ELP3: variants seen among roughly 807,000 people sequenced by gnomAD.
ELP3 encodes elongator acetyltransferase complex subunit 3, also known as elongator complex protein 3.
A neutral mutation model predicts 74.9 loss-of-function variants in ELP3; 56 were observed. The observed-to-expected ratio is 0.75, with a 90% CI of 0.60 to 0.93. The LOEUF is 0.93. Among genes scored for constraint, ELP3 ranks in the 40% least tolerant of loss-of-function variants. ELP3 has a pLI of 0.00. For missense variants in ELP3, 573 were observed against 686.5 expected (o/e 0.83, Z 1.85); for synonymous variants, 222 against 239.8 (o/e 0.93, Z 0.68).
In ELP3 at chr8:28,129,496, C is replaced by T; in HGVS notation, c.618-6C>T. The stretch of plus-strand genomic sequence containing the variant: ...ACAGGTTAATTATTTTAGATTTGCT[C>T]TACAGGTATTCTGAGAGAAGCCTCA... On this transcript the variant is annotated splice_polypyrimidine_tract_variant and splice_region_variant and intron_variant, in intron 7 of 14. Transcript: ENST00000256398. 6.2e-7 allele frequency: 1 copy of T among 1,614,016 alleles called. No individual in the cohort carries two copies. The highest frequency in any genetic ancestry group is 8.5e-7 in the Non-Finnish European group (1 of 1,179,928).
chr8:28,170,437 G>A (rs1814474804), intron 14 of ELP3, among the ~76,000 whole-genome samples: 6 of 152,120 alleles, frequency 3.9e-5, no homozygotes, highest in Admixed American at 3.3e-4. Context: ...AGCTTGGCAG[G>A]TCCAACAATA....
At position 28,189,933 on chromosome 8, in the gene ELP3, C is replaced by CA. The variant is rs1815394271; in HGVS notation, c.*214dup. 3.1e-5 allele frequency: 15 copies of CA among 482,886 alleles called. No individual in the cohort carries two copies. In the East Asian group the frequency reaches 4.4e-4, roughly 14 times the overall value. The allele number at this position is 482,886 out of a possible 1,614,324, so 29.9% of individuals were successfully genotyped here. ...GATCCGCCCTCTCCTGCGTGCACCC[C>CA]AAAAAATCACTTGCGTTTTTGAGGC... On this transcript the variant is annotated 3_prime_UTR_variant, in exon 15 of 15. Transcript: ENST00000256398.
chr8:28,100,515 C>T (rs1384460883), intron 3 of ELP3, among the ~76,000 whole-genome samples: 1 of 152,170 alleles, frequency 6.6e-6, no homozygotes, highest in South Asian at 2.1e-4. Context: ...ACAGGAAGGG[C>T]GTGGTGCACG....
At chr8:28,103,110 C>T (rs1420975788) in intron 3 of ELP3, among the ~76,000 whole-genome samples, 4 of 152,134 alleles carry the variant, frequency 2.6e-5, no homozygotes, top group Non-Finnish European at 5.9e-5. Flanking sequence ...GCAGAGGTTG[C>T]GTTGAGCCGA....
At chr8:28,119,985 G>A (rs997938339) in intron 7 of ELP3, among the ~76,000 whole-genome samples, 2 of 152,088 alleles carry the variant, frequency 1.3e-5, no homozygotes. Flanking sequence ...ATCACAGTTT[G>A]TTTACCATCC....
chr8:28,130,727 A>C (rs954110332), intron 8 of ELP3, among the ~76,000 whole-genome samples: 20 of 152,224 alleles, frequency 1.3e-4, no homozygotes, highest in African/African-American at 4.8e-4. Context: ...TTGGGACTTC[A>C]TGGAAGAGTC....
chr8:28,168,008 T>A (rs351761), intron 14 of ELP3, among the ~76,000 whole-genome samples: 77,541 of 151,996 alleles, frequency 0.51, 20,502 homozygotes, highest in African/African-American at 0.66. Context: ...GGTGTTTGCT[T>A]ATTGGTGTCT....
intron 2 of ELP3, among the ~76,000 whole-genome samples, chr8:28,099,436 C>T (rs1352933309): frequency 6.6e-6 from 1 of 152,196 alleles, no homozygotes; most frequent in Non-Finnish European, 1.5e-5. Flanking sequence ...TGCTGCTAAA[C>T]ATCCCTCAAT....
At chr8:28,093,573 A>G (rs1373254732) in intron 1 of ELP3, 1 of 369,312 alleles carries the variant, frequency 2.7e-6, no homozygotes. Flanking sequence ...TTCACGACAC[A>G]TTTGACGTGT....
At chr8:28,153,392 A>G (rs528915830) in intron 10 of ELP3, among the ~76,000 whole-genome samples, 1 of 152,184 alleles carries the variant, frequency 6.6e-6, no homozygotes, top group Non-Finnish European at 1.5e-5. Flanking sequence ...ACCTGTCCAC[A>G]TTTGTCCCTA....
At chr8:28,110,061 A>G (rs1811852549) in intron 5 of ELP3, among the ~76,000 whole-genome samples, 1 of 152,214 alleles carries the variant, frequency 6.6e-6, no homozygotes, top group African/African-American at 2.4e-5. Flanking sequence ...TGGTATATGT[A>G]TGCACATCTA....
At chr8:28,100,009 G>C (rs766056186) in intron 3 of ELP3, 43 bp downstream of exon 3, 1 of 1,613,102 alleles carries the variant, frequency 6.2e-7, no homozygotes, top group Non-Finnish European at 8.5e-7. Flanking sequence ...CTGGGTATCT[G>C]TTCTGGCAGA....
chr8:28,140,374 G>A (rs1353768667), intron 10 of ELP3, among the ~76,000 whole-genome samples: 1 of 152,120 alleles, frequency 6.6e-6, no homozygotes, highest in Non-Finnish European at 1.5e-5. Flanking sequence ...ATAACCAGCT[G>A]AATAAAATAG....
intron 7 of ELP3, 162 bp from the exon 8 acceptor site, chr8:28,129,340 A>G (rs1812703093): frequency 4.7e-6 from 3 of 644,196 alleles, no homozygotes; most frequent in South Asian, 3.8e-5. Flanking sequence ...GTGCATAGTT[A>G]GGAAGTAGCA....
At chr8:28,158,828 G>A (rs1278329538) in intron 12 of ELP3, among the ~76,000 whole-genome samples, 195 bp downstream of exon 12, 1 of 152,168 alleles carries the variant, frequency 6.6e-6, no homozygotes, top group African/African-American at 2.4e-5. Flanking sequence ...TTAGGAAAAC[G>A]AAGTCTGAAC....
chr8:28,144,348 G>A (rs1478305354), intron 10 of ELP3, among the ~76,000 whole-genome samples: 2 of 152,146 alleles, frequency 1.3e-5, no homozygotes, highest in Non-Finnish European at 2.9e-5. Context: ...AGTGGCTCTC[G>A]TGTGTAATCC....
At chr8:28,137,044 A>G (rs560274857) in intron 9 of ELP3, among the ~76,000 whole-genome samples, 3 of 152,364 alleles carry the variant, frequency 2.0e-5, no homozygotes, top group African/African-American at 7.2e-5. Flanking sequence ...GAATGGTGCC[A>G]GTTGGTTTAG....
At position 28,136,119 on chromosome 8, in the gene ELP3, G is replaced by A. The variant is rs900365787; in HGVS notation, c.907-1579G>A. On this transcript the variant is annotated intron_variant, in intron 9 of 14. Coordinates refer to ENST00000256398, the MANE Select transcript of ELP3 (RefSeq NM_018091.6). Reference sequence around the variant, plus strand: ...TGGGATTACAGACGCGCACCACCACGTCCAGCTAATTTTTGTATTTTTAGT... The same window carrying A: ...TGGGATTACAGACGCGCACCACCACATCCAGCTAATTTTTGTATTTTTAGT... Among the ~76,000 whole-genome samples, 29 of 151,932 alleles carry A rather than the reference G, an allele frequency of 1.9e-4. 1 individual carries two copies. The highest frequency in any genetic ancestry group is 6.3e-4 in the African/African-American group (26 of 41,444).
At chr8:28,108,837 A>G (rs1047173402) in intron 5 of ELP3, among the ~76,000 whole-genome samples, 1 of 152,222 alleles carries the variant, frequency 6.6e-6, no homozygotes, top group Non-Finnish European at 1.5e-5. Flanking sequence ...TGCTAAGCAG[A>G]GATGTAAAAT....
Sources: allele counts gnomAD v4.1 joint callset (sites outside exome capture counted in the v4.1 genomes callset), GRCh38; gene constraint gnomAD v4.1.1; transcripts MANE v1.5; gene names NCBI Gene and HGNC (gene_info 2026-07-23, HGNC 2026-07-21).